CPZ: variants seen among roughly 807,000 people sequenced by gnomAD.
CPZ encodes carboxypeptidase Z.
In CPZ, 103 loss-of-function variants were observed where a neutral mutation model predicts 61.8. The ratio of observed to expected loss-of-function variants is 1.67; its 90% CI spans 1.42 to 1.96. The LOEUF is 1.96. Ranked by LOEUF, CPZ falls within the 30% of genes most tolerant of loss-of-function variation. The pLI is 0.00. For synonymous variants in CPZ, 551 were observed against 373.7 expected (o/e 1.47, Z -5.47); for missense variants, 1,461 against 914.9 (o/e 1.60, Z -7.70).
intron 7 of CPZ, among the ~76,000 whole-genome samples, chr4:8,608,856 A>G (rs540491068): frequency 6.6e-6 from 1 of 152,282 alleles, no homozygotes; most frequent in Non-Finnish European, 1.5e-5. Context: ...AGCCGGGTGC[A>G]GGGGCCCATG....
chr4:8,618,562 C>T (rs769110033), intron 10 of CPZ, 34 bp downstream of exon 10: 12 of 1,597,276 alleles, frequency 7.5e-6, no homozygotes, highest in South Asian at 2.2e-5. Flanking sequence ...CTGGGGACCA[C>T]GTCTGCCAAG....
intron 7 of CPZ, chr4:8,611,253 A>G (rs894594503): frequency 2.2e-6 from 1 of 456,220 alleles, no homozygotes; most frequent in Non-Finnish European, 4.4e-6. Context: ...CTGACCCACC[A>G]GGAGCCTCTG....
chr4:8,598,736 C>G (rs1714362361), intron 1 of CPZ, among the ~76,000 whole-genome samples: 1 of 152,266 alleles, frequency 6.6e-6, no homozygotes, highest in East Asian at 1.9e-4. Flanking sequence ...TCATACAGGG[C>G]CCTTAGCAGC....
At chr4:8,598,808 G>A (rs1166516279) in intron 1 of CPZ, among the ~76,000 whole-genome samples, 1 of 152,230 alleles carries the variant, frequency 6.6e-6, no homozygotes, top group Non-Finnish European at 1.5e-5. Context: ...GGGTTCACAT[G>A]TCTGGGTTCA....
At chr4:8,612,592 C>T (rs1330313096) in intron 8 of CPZ, among the ~76,000 whole-genome samples, 1 of 152,216 alleles carries the variant, frequency 6.6e-6, no homozygotes, top group Admixed American at 6.5e-5. Flanking sequence ...ATGGGGTGGA[C>T]TGATACTACA....
chr4:8,606,291 A>G, intron 5 of CPZ, 106 bp downstream of exon 5: 1 of 1,126,032 alleles, frequency 8.9e-7, no homozygotes, highest in Non-Finnish European at 1.2e-6. Flanking sequence ...CTGCCTCTCT[A>G]GGAGAGGAGC....
Position 8,592,826 on chromosome 4 carries a change from G to C in CPZ, c.-8G>C. Reference sequence around the variant, plus strand: ...CTGCGCTGGCCGTCCAAGGTCCGCCGCCCCACCATGCCGCCCCCGCTGCCG... The same window carrying C: ...CTGCGCTGGCCGTCCAAGGTCCGCCCCCCCACCATGCCGCCCCCGCTGCCG... On this transcript the variant is annotated 5_prime_UTR_variant, in exon 1 of 11. Coordinates refer to ENST00000360986, the MANE Select transcript of CPZ (RefSeq NM_001014447.3). The C allele has an allele frequency of 6.9e-7, 1 of 1,458,076 alleles. No individual in the cohort carries two copies. Among genetic ancestry groups the C allele is most frequent in the South Asian group, 1.4e-5 (1 of 73,592 alleles). 90.3% of individuals were successfully genotyped at this position (1,458,076 alleles called of 1,614,324 possible).
chr4:8,594,887 C>G (rs1228072789), intron 1 of CPZ, among the ~76,000 whole-genome samples: 1 of 152,016 alleles, frequency 6.6e-6, no homozygotes, highest in Non-Finnish European at 1.5e-5. Flanking sequence ...ATTCTCCTGG[C>G]TCAGCCTCCC....
At chr4:8,605,323 C>CATCCATCCATCCATCT (rs1187640190) in intron 4 of CPZ, among the ~76,000 whole-genome samples, 1 of 15,952 alleles carries the variant, frequency 6.3e-5, no homozygotes, top group Admixed American at 1.2e-3. Context: ...TTCATTTATT[C>CATCCATCCATCCATCT]ATCCATCCAT....
chr4:8,611,234 T>G (rs1310489055), intron 7 of CPZ: 2 of 456,128 alleles, frequency 4.4e-6, no homozygotes, highest in Non-Finnish European at 8.8e-6. Flanking sequence ...GGGTGAGCCC[T>G]TCGCCTGCCT....
intron 9 of CPZ, among the ~76,000 whole-genome samples, chr4:8,617,731 G>A (rs1398604426): frequency 1.3e-5 from 2 of 152,188 alleles, no homozygotes; most frequent in African/African-American, 4.8e-5. Context: ...GTCCTGCTCA[G>A]CGTGACCTTC....
chr4:8,597,323 G>A (rs1714247362), intron 1 of CPZ: 1 of 152,186 alleles, frequency 6.6e-6, no homozygotes, highest in Non-Finnish European at 1.5e-5. Context: ...AGGGGGGTGA[G>A]GGCACAGTAT....
chr4:8,612,298 T>C, intron 8 of CPZ, 136 bp downstream of exon 8: 1 of 734,636 alleles, frequency 1.4e-6, no homozygotes, highest in Non-Finnish European at 2.1e-6. Context: ...ATGCCTCACC[T>C]GGTGGAGAGG....
intron 1 of CPZ, among the ~76,000 whole-genome samples, chr4:8,598,436 G>A (rs1714336804): frequency 6.6e-6 from 1 of 152,230 alleles, no homozygotes; most frequent in Admixed American, 6.5e-5. Context: ...TCTGTCCCAG[G>A]TTTTGGCTGG....
intron 7 of CPZ, among the ~76,000 whole-genome samples, chr4:8,611,736 A>C (rs1240900694): frequency 1.3e-5 from 2 of 151,812 alleles, no homozygotes; most frequent in Non-Finnish European, 2.9e-5. Flanking sequence ...TCAGGAGAGA[A>C]AGCCCACACT....
rs375973206 is a variant in CPZ, at chr4:8,601,345, G to C, written c.344G>C (p.Arg115Pro). Residue 115 changes from arginine to proline, a missense_variant, in exon 3 of 11, where the codon CGC becomes CCC. By Grantham distance (103) the Arg-to-Pro change is moderately radical. Coordinates refer to ENST00000360986, the MANE Select transcript of CPZ (RefSeq NM_001014447.3). Reference sequence around the variant, plus strand: ...CCCCGGTGTGAGGGCGGCTGGGTGCGCAGACCCTGCCGGCACATCTGCGAG... The same window carrying C: ...CCCCGGTGTGAGGGCGGCTGGGTGCCCAGACCCTGCCGGCACATCTGCGAG... ...LAPRCEGGWVRRPCRHICEGL... is the reference protein window; with the variant it reads ...LAPRCEGGWVPRPCRHICEGL... 1.2e-6 allele frequency: 2 copies of C among 1,604,264 alleles called. No homozygotes were observed. The highest frequency in any genetic ancestry group is 1.7e-6 in the Non-Finnish European group (2 of 1,173,576).
At chr4:8,600,943 C>G (rs776972378) in intron 2 of CPZ, 180 bp from the exon 3 acceptor site, 1 of 1,352,074 alleles carries the variant, frequency 7.4e-7, no homozygotes, top group Non-Finnish European at 9.5e-7. Flanking sequence ...GGCTCCTCCT[C>G]TGGTCTCTCA....
At chr4:8,600,882 C>T (rs112403040) in intron 2 of CPZ, 22 of 1,242,722 alleles carry the variant, frequency 1.8e-5, no homozygotes, top group Non-Finnish European at 2.2e-5. Flanking sequence ...AGGCTCAGGG[C>T]AGCCTGCTGC....
At chr4:8,594,812 G>A (rs1258732749) in intron 1 of CPZ, among the ~76,000 whole-genome samples, 2 of 148,128 alleles carry the variant, frequency 1.4e-5, no homozygotes, top group African/African-American at 2.5e-5. Flanking sequence ...TCACTCTGTC[G>A]CCCAGGCTGG....
Sources: gnomAD v4.1 joint callset for allele counts (sites outside exome capture counted in the v4.1 genomes callset) on GRCh38, gnomAD v4.1.1 for gene constraint, MANE v1.5 for transcripts, NCBI Gene and HGNC (gene_info 2026-07-23, HGNC 2026-07-21) for gene names.